Variants in MED13L observed in about 807,000 individuals in gnomAD.
MED13L encodes mediator of RNA polymerase II transcription subunit 13-like.
In MED13L, 7 loss-of-function variants were observed where a neutral mutation model predicts 220.9. The observed-to-expected ratio is 0.03, with a 90% CI of 0.02 to 0.06. The LOEUF is 0.06. MED13L is among the 10% of genes least tolerant of loss of function. The pLI is 1.00. For missense variants in MED13L, 1,965 were observed against 2,760.5 expected, an observed-to-expected ratio of 0.71 and a Z score of 6.46; for synonymous variants, 1,011 against 1,015.2, an observed-to-expected ratio of 1.00 and a Z score of 0.08.
At chr12:115,986,657 A>T (rs1877710147) in intron 18 of MED13L, among the ~76,000 whole-genome samples, 168 bp from the exon 19 acceptor site, 2 of 152,212 alleles carry the variant, frequency 1.3e-5, no homozygotes, top group Non-Finnish European at 2.9e-5. Flanking sequence ...ATGGTCACTG[A>T]TGAGGACTCT....
chr12:116,210,662 T>C (rs1015293201), intron 2 of MED13L, among the ~76,000 whole-genome samples: 2 of 149,640 alleles, frequency 1.3e-5, no homozygotes, highest in Non-Finnish European at 1.5e-5. Flanking sequence ...GTACAGCACC[T>C]AACATTAATC....
At chr12:116,167,374 T>C (rs939613675) in intron 2 of MED13L, among the ~76,000 whole-genome samples, 39 of 152,188 alleles carry the variant, frequency 2.6e-4, no homozygotes, top group Non-Finnish European at 2.2e-4. Flanking sequence ...CTATTAAGTA[T>C]ACAATGCTCT....
chr12:116,037,269 G>A (rs1881248449), intron 4 of MED13L, among the ~76,000 whole-genome samples: 1 of 152,056 alleles, frequency 6.6e-6, no homozygotes, highest in African/African-American at 2.4e-5. Context: ...GACACCACAA[G>A]GAGAAAACTC....
chr12:116,240,426 C>T (rs1870513061), intron 1 of MED13L, among the ~76,000 whole-genome samples: 1 of 151,748 alleles, frequency 6.6e-6, no homozygotes, highest in African/African-American at 2.4e-5. Flanking sequence ...CAAATAAAAG[C>T]AATGTGTATG....
At chr12:116,012,940 T>G in intron 8 of MED13L, 39 bp from the exon 9 acceptor site, 4 of 1,387,176 alleles carry the variant, frequency 2.9e-6, no homozygotes, top group African/African-American at 1.4e-5. Flanking sequence ...GTGAACATAA[T>G]ACCCATACCC....
At chr12:116,083,140 C>A (rs1871342372) in intron 4 of MED13L, among the ~76,000 whole-genome samples, 1 of 152,152 alleles carries the variant, frequency 6.6e-6, no homozygotes, top group Non-Finnish European at 1.5e-5. Flanking sequence ...GGCGTGGTGG[C>A]TCATACCTGT....
intron 3 of MED13L, among the ~76,000 whole-genome samples, chr12:116,107,940 A>G (rs1256075703): frequency 6.6e-6 from 1 of 152,096 alleles, no homozygotes; most frequent in African/African-American, 2.4e-5. Context: ...AAATACAAAA[A>G]TTAGCTGGGC....
At chr12:116,155,152 A>G (rs1298923823) in intron 2 of MED13L, among the ~76,000 whole-genome samples, 1 of 152,160 alleles carries the variant, frequency 6.6e-6, no homozygotes, top group African/African-American at 2.4e-5. Context: ...GGCCAGGCAC[A>G]GGGGCTCATG....
chr12:116,276,988 T>C, intron 1 of MED13L, 72 bp downstream of exon 1: 2 of 1,479,928 alleles, frequency 1.4e-6, no homozygotes, highest in Admixed American at 4.0e-5. Context: ...AGGAGAAAGT[T>C]GGTCGGCGGC....
chr12:116,223,319 C>T (rs781314637), intron 2 of MED13L, among the ~76,000 whole-genome samples: 2 of 151,976 alleles, frequency 1.3e-5, no homozygotes, highest in Non-Finnish European at 2.9e-5. Flanking sequence ...AAACTACTTG[C>T]TATCTACAAT....
rs138735698 is a variant in MED13L, at chr12:116,203,866, A to C, written c.310+33602T>G. 1.3e-3 allele frequency among the ~76,000 whole-genome samples: 205 copies of C among 152,314 alleles called. 1 individual carries two copies. Among genetic ancestry groups the C allele is most frequent in the African/African-American group, 4.7e-3 (197 of 41,562 alleles). On this transcript the variant is annotated intron_variant, in intron 2 of 30. Transcript: ENST00000281928. ...AGACAAGAGTGAAAAGTCATCGAGGAATCACTCAGACTTACGAATTGAATC... is the reference window on the plus strand; with the variant it reads ...AGACAAGAGTGAAAAGTCATCGAGGCATCACTCAGACTTACGAATTGAATC...
intron 4 of MED13L, among the ~76,000 whole-genome samples, chr12:116,093,233 A>T (rs759489221): frequency 1.3e-5 from 2 of 152,078 alleles, no homozygotes; most frequent in Non-Finnish European, 2.9e-5. Flanking sequence ...GAAATTTTGT[A>T]TGTTTGATTT....
At chr12:115,983,069 G>C (rs750064298) in intron 21 of MED13L, 48 bp downstream of exon 21, 1 of 1,584,384 alleles carries the variant, frequency 6.3e-7, no homozygotes, top group Admixed American at 1.7e-5. Flanking sequence ...GAAGAAGAGA[G>C]AAAGGGTCTG....
chr12:116,106,894 T>C (rs1190009828), intron 3 of MED13L, among the ~76,000 whole-genome samples: 1 of 151,474 alleles, frequency 6.6e-6, no homozygotes, highest in African/African-American at 2.4e-5. Context: ...AGGGATTCCA[T>C]GATTAGCTGG....
chr12:116,220,291 T>C lies in MED13L; in HGVS notation c.310+17177A>G, dbSNP rs150888440. Among the ~76,000 whole-genome samples, 6 of 152,334 alleles carry C rather than the reference T, an allele frequency of 3.9e-5. No individual in the cohort carries two copies. In the East Asian group the frequency reaches 5.8e-4, roughly 15 times the overall value. ...ACTATTTAAATTAATATTTACTTCT[T>C]CTAAACTCTATTGCCTCCTACTCGA... is the stretch of plus-strand genomic sequence containing the variant. On this transcript the variant is annotated intron_variant, in intron 2 of 30. Transcript: ENST00000281928.
At chr12:116,073,264 C>T (rs970110759) in intron 4 of MED13L, among the ~76,000 whole-genome samples, 3 of 152,214 alleles carry the variant, frequency 2.0e-5, no homozygotes, top group South Asian at 2.1e-4. Context: ...GCAGAAAGTT[C>T]TTTCTACTGA....
In MED13L at chr12:116,101,140, T is replaced by C. The variant is rs960122714; in HGVS notation, c.396-4388A>G. On this transcript the variant is annotated intron_variant, in intron 3 of 30. Transcript: ENST00000281928. ...CCCTTCTCCTCTAATTTGAATTCTA[T>C]TCATTCTTTCTGTCCCGATCAAGCC... 3.3e-5 allele frequency among the ~76,000 whole-genome samples: 5 copies of C among 152,310 alleles called. No homozygotes were observed. In the South Asian group the frequency reaches 8.3e-4, roughly 25 times the overall value.
At chr12:115,984,434 G>T in intron 19 of MED13L, 62 bp from the exon 20 acceptor site, 2 of 1,557,554 alleles carry the variant, frequency 1.3e-6, no homozygotes, top group South Asian at 1.1e-5. Flanking sequence ...AGTACCAATG[G>T]TTAGCAAGGG....
At chr12:116,191,041 G>A (rs1016592256) in intron 2 of MED13L, among the ~76,000 whole-genome samples, 1 of 149,870 alleles carries the variant, frequency 6.7e-6, no homozygotes, top group South Asian at 2.1e-4. Context: ...GCAGTGAGCA[G>A]AGGTTGCACA....
Sources: allele counts gnomAD v4.1 joint callset (sites outside exome capture counted in the v4.1 genomes callset), GRCh38; gene constraint gnomAD v4.1.1; transcripts MANE v1.5; gene names NCBI Gene and HGNC (gene_info 2026-07-23, HGNC 2026-07-21).